Variants in SCGB3A2 observed in about 807,000 individuals in gnomAD.
The protein encoded by SCGB3A2 is pneumo secretory protein 1.
A neutral mutation model predicts 7.7 loss-of-function variants in SCGB3A2; 5 were observed. The ratio of observed to expected loss-of-function variants is 0.65; its 90% confidence interval spans 0.34 to 1.36. The LOEUF (loss-of-function observed/expected upper bound fraction) is 1.36. Among genes scored for constraint, SCGB3A2 ranks in the 40% most tolerant of loss-of-function variants. The pLI is 0.04. For missense variants in SCGB3A2, 109 were observed against 103.6 expected, an observed-to-expected ratio of 1.05 and a Z score of -0.23; for synonymous variants, 44 against 42.7, an observed-to-expected ratio of 1.03 and a Z score of -0.12.
chr5:147,879,515 A>G (rs187054867), intron 1 of SCGB3A2, among the ~76,000 whole-genome samples: 1 of 152,366 alleles, frequency 6.6e-6, no homozygotes, highest in African/African-American at 2.4e-5. Flanking sequence ...CTGTAAACGT[A>G]CTGTGAGATA....
intron 1 of SCGB3A2, among the ~76,000 whole-genome samples, chr5:147,880,335 C>T (rs140739983): frequency 0.033 from 4,968 of 152,164 alleles, 238 homozygotes; most frequent in Admixed American, 0.13. Flanking sequence ...GCCCCACTGC[C>T]CTCAGGAAAA....
chr5:147,881,696 C>A (rs1757351605), intron 2 of SCGB3A2, 48 bp downstream of exon 2: 2 of 1,404,284 alleles, frequency 1.4e-6, no homozygotes, highest in African/African-American at 1.4e-5. Flanking sequence ...GGCATACTCA[C>A]CCTGAATGTC....
At position 147,882,065 on chromosome 5, in the gene SCGB3A2, G is replaced by C. The variant is rs377101053; in HGVS notation, c.*15G>C. On this transcript the variant is annotated 3_prime_UTR_variant, in exon 3 of 3. Transcript: ENST00000296694. ...ACTTGGTGTGACATCAAGATAAAGA[G>C]CGGAGGTGGATGGGGATGGAAGATG... 2.5e-6 allele frequency: 4 copies of C among 1,613,480 alleles called. No homozygotes were observed. Among genetic ancestry groups the C allele is most frequent in the African/African-American group, 1.3e-5 (1 of 74,898 alleles).
At chr5:147,879,863 G>A (rs1757318007) in intron 1 of SCGB3A2, among the ~76,000 whole-genome samples, 1 of 152,186 alleles carries the variant, frequency 6.6e-6, no homozygotes, top group Non-Finnish European at 1.5e-5. Context: ...GGCTTTTGAT[G>A]TTTATTGAAT....
At chr5:147,881,761 C>G in intron 2 of SCGB3A2, 113 bp downstream of exon 2, 2 of 885,734 alleles carry the variant, frequency 2.3e-6, no homozygotes, top group Admixed American at 2.7e-5. Flanking sequence ...TGATTATATT[C>G]ATAGGAAGTT....
At chr5:147,879,529 A>G (rs1757313143) in intron 1 of SCGB3A2, among the ~76,000 whole-genome samples, 1 of 152,232 alleles carries the variant, frequency 6.6e-6, no homozygotes, top group African/African-American at 2.4e-5. Context: ...TGAGATATCC[A>G]GATAGAACTC....
intron 1 of SCGB3A2, among the ~76,000 whole-genome samples, chr5:147,879,361 A>T (rs1430727333): frequency 6.6e-6 from 1 of 152,236 alleles, no homozygotes; most frequent in Admixed American, 6.5e-5. Context: ...CACTCAATGG[A>T]TATTTATTGA....
chr5:147,881,578 T>C lies in SCGB3A2; in HGVS notation c.188T>C (p.Leu63Pro), dbSNP rs1351308444. 1.9e-6 allele frequency: 3 copies of C among 1,613,866 alleles called. No homozygotes were observed. In the African/African-American group the frequency reaches 4.0e-5, roughly 22 times the overall value. ...LKTLGISVEH[L>P]VEGLRKCVNE... Reference sequence around the variant, plus strand: ...ACTCTGGGCATTTCTGTTGAGCACCTTGTGGAGGGGCTAAGGAAGTGTGTA... The same window carrying C: ...ACTCTGGGCATTTCTGTTGAGCACCCTGTGGAGGGGCTAAGGAAGTGTGTA... The change falls in exon 2 of 3, where the codon CTT becomes CCT. Residue 63 changes from leucine (L) to proline (P), a missense_variant. Physicochemically the swap from Leu to Pro is moderately conservative, Grantham distance 98 (BLOSUM62 -3). Transcript: ENST00000296694.
intron 1 of SCGB3A2, among the ~76,000 whole-genome samples, chr5:147,880,295 G>A (rs1018962351): frequency 1.3e-5 from 2 of 151,944 alleles, no homozygotes; most frequent in African/African-American, 4.8e-5. Context: ...GATATAAAAC[G>A]TAATTTTCCT....
chr5:147,881,729 T>A, intron 2 of SCGB3A2, 81 bp downstream of exon 2: 3 of 1,078,858 alleles, frequency 2.8e-6, no homozygotes, highest in Non-Finnish European at 4.1e-6. Context: ...TTGTCCCTTG[T>A]AAATGTGCAT....
In SCGB3A2 at chr5:147,882,073, G is replaced by A. The variant is rs551307990; in HGVS notation, c.*23G>A. On this transcript the variant is annotated 3_prime_UTR_variant, in exon 3 of 3. Coordinates refer to ENST00000296694, the MANE Select transcript of SCGB3A2 (RefSeq NM_054023.5). ...TGACATCAAGATAAAGAGCGGAGGT[G>A]GATGGGGATGGAAGATGATGCTCCT... 5 of 1,612,482 alleles carry A rather than the reference G, an allele frequency of 3.1e-6. No individual in the cohort carries two copies. Among genetic ancestry groups the A allele is most frequent in the African/African-American group, 1.3e-5 (1 of 74,858 alleles).
At position 147,881,661 on chromosome 5, in the gene SCGB3A2, T is replaced by A. The variant is rs367766015; in HGVS notation, c.258+13T>A. Reference sequence around the variant, plus strand: ...GAAGAAACTGCTGGTAACCACAGCTTGGGAGGCTAATCTGCCAAAGGGGAG... The same window carrying A: ...GAAGAAACTGCTGGTAACCACAGCTAGGGAGGCTAATCTGCCAAAGGGGAG... On this transcript the variant is annotated intron_variant, in intron 2 of 2. Transcript: ENST00000296694. 1,286 of 1,610,414 alleles carry A rather than the reference T, an allele frequency of 8.0e-4. 17 individuals are homozygous for A. In the South Asian group the frequency reaches 0.013, roughly 16 times the overall value.
At chr5:147,881,985 C>T (rs747788662) in intron 2 of SCGB3A2, 42 bp from the exon 3 acceptor site, 6 of 1,606,738 alleles carry the variant, frequency 3.7e-6, no homozygotes, top group African/African-American at 2.7e-5. Context: ...ATGCGAATTA[C>T]ATGTAAGCTG....
At position 147,882,020 on chromosome 5, in the gene SCGB3A2, A is replaced by T. The variant is rs771345861; in HGVS notation, c.259-7A>T. The T allele has an allele frequency of 2.5e-6, 4 of 1,613,792 alleles. No homozygotes were observed. In the Admixed American group the frequency reaches 6.7e-5, roughly 27 times the overall value. Reference sequence around the variant, plus strand: ...GCTCTAAATTTTGTTGTCCTTCTACATTTCAGGAGGCGCTATCACACTTGG... The same window carrying T: ...GCTCTAAATTTTGTTGTCCTTCTACTTTTCAGGAGGCGCTATCACACTTGG... On this transcript the variant is annotated splice_polypyrimidine_tract_variant and splice_region_variant and intron_variant, in intron 2 of 2. Coordinates refer to ENST00000296694, the MANE Select transcript of SCGB3A2 (RefSeq NM_054023.5).
Position 147,881,881 on chromosome 5 carries a change from G to A in SCGB3A2, c.259-146G>A. On this transcript the variant is annotated intron_variant, in intron 2 of 2. Coordinates refer to ENST00000296694, the MANE Select transcript of SCGB3A2 (RefSeq NM_054023.5). ...TGACAATACCATTTACCACCTTCGT[G>A]ATTTTGGATGAGACGTAATCACTCT... The A allele has an allele frequency of 1.7e-5, 15 of 886,162 alleles. No homozygotes were observed. In the South Asian group the frequency reaches 2.2e-4, roughly 13 times the overall value. The allele number at this position is 886,162 out of a possible 1,614,324, so 54.9% of individuals were successfully genotyped here.
At chr5:147,881,800 C>G in intron 2 of SCGB3A2, 152 bp downstream of exon 2, 1 of 784,348 alleles carries the variant, frequency 1.3e-6, no homozygotes, top group South Asian at 1.9e-5. Context: ...AGGAAAAATA[C>G]AATTTCTACA....
rs745744107 is a variant in SCGB3A2, at chr5:147,882,089, TG to T, written c.*40del. On this transcript the variant is annotated 3_prime_UTR_variant, in exon 3 of 3. Coordinates refer to ENST00000296694, the MANE Select transcript of SCGB3A2 (RefSeq NM_054023.5). Reference sequence around the variant, plus strand: ...AGCGGAGGTGGATGGGGATGGAAGATGATGCTCCTATCCTCCCTGCCTGAAA... The same window carrying T: ...AGCGGAGGTGGATGGGGATGGAAGATATGCTCCTATCCTCCCTGCCTGAAA... The T allele has an allele frequency of 2.5e-6, 4 of 1,604,774 alleles. No individual in the cohort carries two copies. Among genetic ancestry groups the T allele is most frequent in the Admixed American group, 3.3e-5 (2 of 59,974 alleles).
rs1757357860 is a variant in SCGB3A2, at chr5:147,882,063, G to A, written c.*13G>A. 6.2e-7 allele frequency: 1 copy of A among 1,613,640 alleles called. No individual in the cohort carries two copies. The highest frequency in any genetic ancestry group is 8.5e-7 in the Non-Finnish European group (1 of 1,179,618). On this transcript the variant is annotated 3_prime_UTR_variant, in exon 3 of 3. Transcript: ENST00000296694. Reference sequence around the variant, plus strand: ...ACACTTGGTGTGACATCAAGATAAAGAGCGGAGGTGGATGGGGATGGAAGA... The same window carrying A: ...ACACTTGGTGTGACATCAAGATAAAAAGCGGAGGTGGATGGGGATGGAAGA...
chr5:147,880,296 T>G (rs1488028717), intron 1 of SCGB3A2, among the ~76,000 whole-genome samples: 1 of 152,142 alleles, frequency 6.6e-6, no homozygotes, highest in Non-Finnish European at 1.5e-5. Flanking sequence ...ATATAAAACG[T>G]AATTTTCCTA....
Sources: allele counts gnomAD v4.1 joint callset (sites outside exome capture counted in the v4.1 genomes callset), GRCh38; gene constraint gnomAD v4.1.1; transcripts MANE v1.5; gene names NCBI Gene and HGNC (gene_info 2026-07-23, HGNC 2026-07-21).